Variants in KLHL7 observed in about 807,000 individuals in gnomAD.
KLHL7 encodes kelch-like protein 7.
Under a neutral mutation model 67.4 loss-of-function variants are expected in KLHL7, and 44 were observed. That is an observed-to-expected ratio of 0.65 (90% confidence interval 0.51 to 0.84). The LOEUF (loss-of-function observed/expected upper bound fraction) is 0.84. Among genes scored for constraint, KLHL7 ranks in the 40% least tolerant of loss-of-function variants. KLHL7 has a pLI of 0.00. For missense variants in KLHL7, 362 were observed against 718.1 expected, an observed-to-expected ratio of 0.50 and a Z score of 5.67; for synonymous variants, 252 against 243.3, an observed-to-expected ratio of 1.04 and a Z score of -0.33.
At chr7:23,122,264 T>G (rs1783385350) in intron 1 of KLHL7, among the ~76,000 whole-genome samples, 1 of 152,190 alleles carries the variant, frequency 6.6e-6, no homozygotes, top group African/African-American at 2.4e-5. Flanking sequence ...TCATAGAAGT[T>G]CCATCACTGG....
chr7:23,176,465 G>A lies in KLHL7; in HGVS notation c.*2167G>A, dbSNP rs1785296465. The A allele has an allele frequency of 6.6e-6, 1 of 152,244 alleles. No homozygotes were observed. Among genetic ancestry groups the A allele is most frequent in the African/African-American group, 2.4e-5 (1 of 41,424 alleles). The allele number at this position is 152,244 out of a possible 1,614,324, so 9.4% of individuals were successfully genotyped here. On this transcript the variant is annotated 3_prime_UTR_variant, in exon 11 of 11. Coordinates refer to ENST00000339077, the MANE Select transcript of KLHL7 (RefSeq NM_001031710.3). ...GGTAATTTCAACACTTTGGGAGGTG[G>A]AGGCAGTAGGATCACTTGAGGCTAG...
chr7:23,112,194 G>A (rs996348510), intron 1 of KLHL7, among the ~76,000 whole-genome samples: 4 of 152,166 alleles, frequency 2.6e-5, no homozygotes, highest in Admixed American at 2.0e-4. Flanking sequence ...TCAGCATAAG[G>A]TGTCACTTAT....
At chr7:23,106,636 G>T in intron 1 of KLHL7, 1 of 1,034,302 alleles carries the variant, frequency 9.7e-7, no homozygotes, top group South Asian at 3.5e-5. Context: ...TAGTTGAAGA[G>T]GAGTCCTCCT....
intron 4 of KLHL7, among the ~76,000 whole-genome samples, chr7:23,137,361 A>G (rs1784015258): frequency 6.6e-6 from 1 of 152,336 alleles, no homozygotes; most frequent in East Asian, 1.9e-4. Flanking sequence ...AAAGCTAAGT[A>G]TTTCAAAGAA....
chr7:23,163,309 T>C (rs2128469097), intron 7 of KLHL7, among the ~76,000 whole-genome samples: 1 of 152,228 alleles, frequency 6.6e-6, no homozygotes. Context: ...TAGCAGGGAT[T>C]ACACGTGCCT....
intron 1 of KLHL7, among the ~76,000 whole-genome samples, chr7:23,118,680 T>C (rs564988551): frequency 6.6e-6 from 1 of 152,334 alleles, no homozygotes; most frequent in East Asian, 1.9e-4. Context: ...AATCTCATGG[T>C]TCCTTAAATG....
At chr7:23,131,733 C>CTTTTTTTTTTTT (rs59719158) in intron 4 of KLHL7, among the ~76,000 whole-genome samples, 1 of 125,260 alleles carries the variant, frequency 8.0e-6, no homozygotes, top group Non-Finnish European at 1.7e-5. Context: ...CTTATTTATT[C>CTTTTTTTTTTTT]TTTTTTTTTT....
intron 7 of KLHL7, among the ~76,000 whole-genome samples, chr7:23,155,419 T>A (rs573161927): frequency 6.6e-6 from 1 of 152,268 alleles, no homozygotes; most frequent in East Asian, 1.9e-4. Flanking sequence ...TCCCAGTACT[T>A]TGGGAGCCCA....
chr7:23,167,795 C>G, intron 8 of KLHL7, 41 bp from the exon 9 acceptor site: 1 of 1,576,662 alleles, frequency 6.3e-7, no homozygotes, highest in Non-Finnish European at 8.7e-7. Context: ...AACCCCCGCA[C>G]ACACTAAAGT....
intron 7 of KLHL7, among the ~76,000 whole-genome samples, chr7:23,160,286 A>G (rs1784822077): frequency 6.6e-6 from 1 of 152,218 alleles, no homozygotes. Flanking sequence ...TACTTCTCTA[A>G]TATGTTATTT....
chr7:23,152,400 C>G (rs1037874174), intron 7 of KLHL7, among the ~76,000 whole-genome samples, 191 bp downstream of exon 7: 8 of 152,158 alleles, frequency 5.3e-5, no homozygotes, highest in Admixed American at 1.3e-4. Context: ...CAAATGTTTC[C>G]TTAATTGTTC....
intron 7 of KLHL7, 78 bp downstream of exon 7, chr7:23,152,287 A>G: frequency 7.9e-7 from 1 of 1,261,640 alleles, no homozygotes; most frequent in Non-Finnish European, 1.2e-6. Flanking sequence ...AACTAGAAGT[A>G]GTAATAACTC....
intron 7 of KLHL7, among the ~76,000 whole-genome samples, chr7:23,164,733 G>A (rs1784949479): frequency 1.3e-5 from 2 of 152,146 alleles, no homozygotes; most frequent in African/African-American, 4.8e-5. Flanking sequence ...CATTCCTGAT[G>A]TTCTGTGATA....
In KLHL7 at chr7:23,174,117, G is replaced by C. The variant is rs746854709; in HGVS notation, c.1580G>C (p.Gly527Ala). The C allele has an allele frequency of 6.2e-7, 1 of 1,614,170 alleles. No homozygotes were observed. Among genetic ancestry groups the C allele is most frequent in the South Asian group, 1.1e-5 (1 of 91,082 alleles). ...GTAACAGTGAAATGTGCAGCAGTTG[G>C]CTCTATAGTTTATGTCTTGGCTGGT... is the stretch of plus-strand genomic sequence containing the variant. Reference protein sequence around the residue: ...KGVTVKCAAVGSIVYVLAGFQ... With the variant: ...KGVTVKCAAVASIVYVLAGFQ... Residue 527 changes from glycine (G) to alanine (A), a missense_variant, in exon 11 of 11, where the codon GGC (glycine) becomes GCC (alanine). Transcript: ENST00000339077.
intron 1 of KLHL7, chr7:23,117,867 C>T (rs759106570): frequency 6.2e-7 from 1 of 1,613,530 alleles, no homozygotes; most frequent in African/African-American, 1.3e-5. Flanking sequence ...GTAGTTGAAT[C>T]TACAATCTGC....
At chr7:23,129,566 A>G (rs1168304836) in intron 4 of KLHL7, 2 of 218,792 alleles carry the variant, frequency 9.1e-6, no homozygotes, top group Non-Finnish European at 9.1e-6. Flanking sequence ...TCATCTAGCT[A>G]GTGGCCGAGT....
Position 23,143,907 on chromosome 7 carries a change from T to C in KLHL7, c.675T>C (p.Phe225=). 12 of 1,614,160 alleles carry C rather than the reference T, an allele frequency of 7.4e-6. No individual in the cohort carries two copies. Among genetic ancestry groups the C allele is most frequent in the Non-Finnish European group, 9.3e-6 (11 of 1,180,000 alleles). The part of the protein sequence containing the change: ...LKYDEPNRQP[F]MVDILAKVRF... The stretch of plus-strand genomic sequence containing the variant: ...ACGATGAACCTAATCGCCAGCCATT[T>C]ATGGTTGATATCCTTGCTAAAGTCA... The change falls in exon 6 of 11, where the codon TTT becomes TTC. Residue 225 remains phenylalanine (F), a synonymous_variant. Coordinates refer to ENST00000339077, the MANE Select transcript of KLHL7 (RefSeq NM_001031710.3).
chr7:23,106,138 C>A lies in KLHL7; in HGVS notation c.112C>A (p.Arg38=), dbSNP rs1334243525. Residue 38 remains arginine, a synonymous_variant, in exon 1 of 11, where the codon CGG becomes AGG. Transcript: ENST00000339077. ...TTTCATGGGCGTCATGAATAACATGCGGAAACAGGTACCGCCTCTGTGGGA... is the reference window on the plus strand; with the variant it reads ...TTTCATGGGCGTCATGAATAACATGAGGAAACAGGTACCGCCTCTGTGGGA... ...AGFMGVMNNM[R]KQKTLCDVIL... The A allele has an allele frequency of 1.2e-6, 2 of 1,610,014 alleles. No homozygotes were observed. Among genetic ancestry groups the A allele is most frequent in the Non-Finnish European group, 1.7e-6 (2 of 1,178,372 alleles).
intron 9 of KLHL7, among the ~76,000 whole-genome samples, chr7:23,170,689 A>G (rs542405745): frequency 6.6e-6 from 1 of 152,332 alleles, no homozygotes; most frequent in Non-Finnish European, 1.5e-5. Context: ...TGGATATCCC[A>G]GTTACTCTGA....
Sources: allele counts gnomAD v4.1 joint callset (sites outside exome capture counted in the v4.1 genomes callset), GRCh38; gene constraint gnomAD v4.1.1; transcripts MANE v1.5; gene names NCBI Gene and HGNC (gene_info 2026-07-23, HGNC 2026-07-21).